GSE1: variants seen among roughly 807,000 people sequenced by gnomAD.
GSE1 encodes Gse1 coiled-coil protein.
In GSE1, 32 loss-of-function variants were observed where a neutral mutation model predicts 112.6. That is an observed-to-expected ratio of 0.28 (90% confidence interval 0.21 to 0.38). GSE1 has a LOEUF of 0.38. Ranked by LOEUF, GSE1 falls within the 10% of genes least tolerant of loss-of-function variation. The probability of loss-of-function intolerance (pLI) is 1.00; values close to 1 mark genes in which losing one functional copy is unlikely to be tolerated. For synonymous variants in GSE1, 1,115 were observed against 735.6 expected, an observed-to-expected ratio of 1.52 and a Z score of -8.35; for missense variants, 2,348 against 1,699.2, an observed-to-expected ratio of 1.38 and a Z score of -6.71.
intron 15 of GSE1, 110 bp from the exon 16 acceptor site, chr16:85,672,295 G>A (rs61212986): frequency 0.023 from 18,706 of 806,296 alleles, 1,096 homozygotes; most frequent in East Asian, 0.13. Flanking sequence ...ACGCCCGGCC[G>A]GGACATTTTC....
intron 2 of GSE1, among the ~76,000 whole-genome samples, chr16:85,478,419 C>T (rs1044829301): frequency 6.6e-6 from 1 of 151,074 alleles, no homozygotes; most frequent in African/African-American, 2.4e-5. Flanking sequence ...CCCAGCTACT[C>T]GGGAGGCTGA....
intron 1 of GSE1, among the ~76,000 whole-genome samples, chr16:85,207,497 C>T (rs1597799981): frequency 6.6e-6 from 1 of 152,232 alleles, no homozygotes; most frequent in African/African-American, 2.4e-5. Context: ...AGGCTGGCTT[C>T]CCCTGCTGGG....
intron 1 of GSE1, among the ~76,000 whole-genome samples, chr16:85,630,049 G>T (rs1598448664): frequency 6.6e-6 from 1 of 152,224 alleles, no homozygotes; most frequent in Non-Finnish European, 1.5e-5. Flanking sequence ...AGGCCAGCCT[G>T]GGGCTGGAGG....
chr16:85,412,693 CAG>C (rs1491324144), intron 2 of GSE1, among the ~76,000 whole-genome samples: 1 of 84,480 alleles, frequency 1.2e-5, no homozygotes, highest in African/African-American at 4.5e-5. Flanking sequence ...CCGTTACACT[CAG>C]GGCACCTGGA....
intron 1 of GSE1, among the ~76,000 whole-genome samples, chr16:85,245,528 CTG>C (rs1491059086): frequency 6.6e-6 from 1 of 152,236 alleles, no homozygotes; most frequent in Non-Finnish European, 1.5e-5. Flanking sequence ...TCCTGACTGG[CTG>C]TGTTTAAAAG....
intron 2 of GSE1, among the ~76,000 whole-genome samples, chr16:85,498,082 G>T (rs1404995278): frequency 2.0e-5 from 3 of 152,164 alleles, no homozygotes; most frequent in East Asian, 3.9e-4. Context: ...TCTGGCCCCA[G>T]AGGGGTGTGT....
At chr16:85,253,069 A>ACCCCC (rs56691935) in intron 1 of GSE1, among the ~76,000 whole-genome samples, 1 of 57,840 alleles carries the variant, frequency 1.7e-5, no homozygotes, top group Non-Finnish European at 3.3e-5. Flanking sequence ...CCCCCCCCCC[A>ACCCCC]CCCCCCCCCC....
chr16:85,666,163 C>G lies in GSE1; in HGVS notation c.2946C>G (p.Gly982=). The G allele has an allele frequency of 1.2e-6, 2 of 1,613,392 alleles. No individual in the cohort carries two copies. Among genetic ancestry groups the G allele is most frequent in the Non-Finnish European group, 1.7e-6 (2 of 1,180,022 alleles). Residue 982 remains glycine, a synonymous_variant, in exon 13 of 16, where the codon GGC becomes GGG. Coordinates refer to ENST00000253458, the MANE Select transcript of GSE1 (RefSeq NM_014615.5). ...EKARLSEAPG[G]KKSLSMLHYI... Reference sequence around the variant, plus strand: ...CCAGGCTGAGCGAGGCCCCTGGAGGCAAAAAGAGTCTGAGCATGCTTCACT... The same window carrying G: ...CCAGGCTGAGCGAGGCCCCTGGAGGGAAAAAGAGTCTGAGCATGCTTCACT...
At chr16:85,426,051 ATGG>A (rs2048971488) in intron 2 of GSE1, among the ~76,000 whole-genome samples, 1 of 125,576 alleles carries the variant, frequency 8.0e-6, no homozygotes, top group East Asian at 2.5e-4. Flanking sequence ...GGATGGATGG[ATGG>A]ATGGATGGAT....
intron 1 of GSE1, among the ~76,000 whole-genome samples, chr16:85,578,582 T>C (rs1181907095): frequency 6.6e-6 from 1 of 152,208 alleles, no homozygotes; most frequent in East Asian, 1.9e-4. Flanking sequence ...CTTAAAGGGC[T>C]AACTGACTTG....
intron 1 of GSE1, among the ~76,000 whole-genome samples, chr16:85,605,214 G>C (rs1194265271): frequency 1.3e-5 from 2 of 151,802 alleles, no homozygotes; most frequent in African/African-American, 2.4e-5. Flanking sequence ...ACCAGCCAGG[G>C]GCCGGCAGGG....
intron 1 of GSE1, among the ~76,000 whole-genome samples, chr16:85,577,902 C>T (rs979514978): frequency 2.6e-5 from 4 of 152,284 alleles, no homozygotes; most frequent in Non-Finnish European, 5.9e-5. Flanking sequence ...GTCAGCAGTA[C>T]AGGTGCTGAT....
chr16:85,398,164 C>G (rs955371907), intron 2 of GSE1, among the ~76,000 whole-genome samples: 1 of 152,128 alleles, frequency 6.6e-6, no homozygotes, highest in African/African-American at 2.4e-5. Flanking sequence ...TCCTCATCTG[C>G]AAAATGGGCG....
In GSE1 at chr16:85,497,861, C is replaced by T. The variant is rs112858773; in HGVS notation, c.2465-136053C>T. On this transcript the variant is annotated intron_variant, in intron 2 of 2. Transcript: ENST00000637419. ...CTGACGTGGCAACTCTGTTAGTCCCCACAGCCTCCCTGGGAGGGTGGCGCT... is the reference window on the plus strand; with the variant it reads ...CTGACGTGGCAACTCTGTTAGTCCCTACAGCCTCCCTGGGAGGGTGGCGCT... Among the ~76,000 whole-genome samples the T allele has an allele frequency of 1.8e-3, 267 of 152,306 alleles. 1 individual carries two copies. Among genetic ancestry groups the T allele is most frequent in the Admixed American group, 2.7e-3 (42 of 15,308 alleles).
intron 2 of GSE1, among the ~76,000 whole-genome samples, chr16:85,451,997 A>G (rs934082884): frequency 6.6e-6 from 1 of 151,048 alleles, no homozygotes; most frequent in African/African-American, 2.4e-5. Context: ...TTCCAGGGAG[A>G]CTGGGTCCAT....
chr16:85,251,264 T>C (rs1421883807), intron 1 of GSE1, among the ~76,000 whole-genome samples: 1 of 152,114 alleles, frequency 6.6e-6, no homozygotes, highest in Non-Finnish European at 1.5e-5. Flanking sequence ...TGCTTTGTCC[T>C]CCCACGGATG....
In GSE1 at chr16:85,311,052, GCT is replaced by G. The variant is rs959194517; in HGVS notation, c.2284-46408_2284-46407del. On this transcript the variant is annotated intron_variant, in intron 1 of 2. Coordinates refer to the GSE1 transcript ENST00000637419. The surrounding 1 kb of genome is among the most constrained non-coding windows in gnomAD (Gnocchi z 4.2). ...TCCGCGGCCGTCAGCAATGGCCATG[GCT>G]CTGTCAAGAAGGATTATCTCGTCCT... is the stretch of plus-strand genomic sequence containing the variant. Among the ~76,000 whole-genome samples the G allele has an allele frequency of 4.6e-5, 7 of 152,234 alleles. No individual in the cohort carries two copies. The highest frequency in any genetic ancestry group is 1.0e-4 in the Non-Finnish European group (7 of 68,034).
intron 2 of GSE1, among the ~76,000 whole-genome samples, chr16:85,400,391 C>A (rs1355536176): frequency 6.6e-6 from 1 of 151,170 alleles, no homozygotes; most frequent in Non-Finnish European, 1.5e-5. Context: ...GTATGTGTAT[C>A]TCTGTGGCCG....
At chr16:85,629,088 G>T (rs1469630269) in intron 1 of GSE1, among the ~76,000 whole-genome samples, 2 of 152,210 alleles carry the variant, frequency 1.3e-5, no homozygotes, top group Admixed American at 1.3e-4. Flanking sequence ...TCTCACCACT[G>T]GATGTGCTGG....
Sources: gnomAD v4.1 joint callset for allele counts (sites outside exome capture counted in the v4.1 genomes callset) on GRCh38, gnomAD v4.1.1 for gene constraint, Gnocchi (gnomAD v3.1) non-coding constraint, MANE v1.5 for transcripts, NCBI Gene and HGNC (gene_info 2026-07-23, HGNC 2026-07-21) for gene names.